Variants in CDH23 observed in about 807,000 individuals in gnomAD.
CDH23 encodes cadherin-23.
CDH23 carries 189 observed loss-of-function variants against 317.1 expected under a neutral mutation model. The observed-to-expected ratio is 0.60, with a 90% confidence interval of 0.53 to 0.67. CDH23 has a LOEUF of 0.67. Ranked by LOEUF, CDH23 falls within the 30% of genes least tolerant of loss-of-function variation. The pLI is 0.00. For synonymous variants in CDH23, 1,839 were observed against 1,876.8 expected (o/e 0.98, Z 0.52); for missense variants, 4,401 against 4,592.4 (o/e 0.96, Z 1.20).
intron 1 of CDH23, among the ~76,000 whole-genome samples, chr10:71,407,972 A>G (rs936667925): frequency 6.6e-6 from 1 of 152,220 alleles, no homozygotes; most frequent in African/African-American, 2.4e-5. Flanking sequence ...GCTCAGCAAA[A>G]TGAGTTGCGA....
At chr10:71,577,001 T>C (rs1233539148) in intron 8 of CDH23, among the ~76,000 whole-genome samples, 1 of 152,192 alleles carries the variant, frequency 6.6e-6, no homozygotes, top group Admixed American at 6.5e-5. Context: ...TTCCTCTTCA[T>C]GTTCTCTCCC....
chr10:71,429,518 A>G (rs1849266864), intron 1 of CDH23, among the ~76,000 whole-genome samples: 1 of 152,182 alleles, frequency 6.6e-6, no homozygotes, highest in African/African-American at 2.4e-5. Context: ...GCTGGGATCG[A>G]GAATCTGATC....
intron 3 of CDH23, among the ~76,000 whole-genome samples, chr10:71,498,012 G>A (rs536007515): frequency 3.3e-4 from 51 of 152,240 alleles, no homozygotes; most frequent in African/African-American, 9.9e-4. Flanking sequence ...ACCATGACCC[G>A]GAGGTTGGAG....
At chr10:71,760,651 G>A (rs545058291) in intron 38 of CDH23, 3 of 554,950 alleles carry the variant, frequency 5.4e-6, no homozygotes, top group Non-Finnish European at 9.8e-6. Flanking sequence ...AGAGAGTCAA[G>A]AGGAGCAGAG....
intron 4 of CDH23, among the ~76,000 whole-genome samples, chr10:71,510,741 T>C (rs981141802): frequency 2.6e-5 from 4 of 152,058 alleles, no homozygotes; most frequent in Admixed American, 6.5e-5. Context: ...TCGGCTTCTG[T>C]CTTTTATTGC....
At chr10:71,707,132 G>T in intron 26 of CDH23, 83 bp downstream of exon 26, 3 of 1,553,628 alleles carry the variant, frequency 1.9e-6, no homozygotes, top group Non-Finnish European at 2.6e-6. Context: ...CAGACTAGGT[G>T]GGGGCAGGTG....
At chr10:71,743,378 T>TG (rs1309049973) in intron 38 of CDH23, among the ~76,000 whole-genome samples, 12 of 152,320 alleles carry the variant, frequency 7.9e-5, no homozygotes, top group Admixed American at 6.5e-4. Flanking sequence ...ACACCAGGTC[T>TG]GGGCAGGGCT....
intron 14 of CDH23, among the ~76,000 whole-genome samples, chr10:71,649,247 A>G (rs1863049587): frequency 6.6e-6 from 1 of 152,152 alleles, no homozygotes; most frequent in African/African-American, 2.4e-5. Context: ...CTCTGCCACA[A>G]AAGGGGCTGA....
At chr10:71,498,447 G>C (rs1000493600) in intron 3 of CDH23, among the ~76,000 whole-genome samples, 19 of 152,204 alleles carry the variant, frequency 1.2e-4, no homozygotes, top group Admixed American at 5.9e-4. Context: ...AACTTCCCCA[G>C]GGTCCCGGGG....
intron 7 of CDH23, among the ~76,000 whole-genome samples, chr10:71,567,550 G>C (rs1396652092): frequency 6.6e-6 from 1 of 152,250 alleles, no homozygotes; most frequent in Middle Eastern, 3.2e-3. Context: ...TCTGTTGAGG[G>C]TCACACAGCC....
intron 1 of CDH23, among the ~76,000 whole-genome samples, chr10:71,421,952 C>G (rs1181903507): frequency 6.6e-6 from 1 of 151,958 alleles, no homozygotes; most frequent in Non-Finnish European, 1.5e-5. Flanking sequence ...TCCTTATTAA[C>G]CAAGTTGTCC....
At chr10:71,650,267 C>A (rs992953609) in intron 14 of CDH23, among the ~76,000 whole-genome samples, 4 of 152,160 alleles carry the variant, frequency 2.6e-5, no homozygotes, top group African/African-American at 9.7e-5. Flanking sequence ...CAGAGATATT[C>A]GAGCACTTTG....
chr10:71,420,030 G>A (rs1245428730), intron 1 of CDH23, among the ~76,000 whole-genome samples: 2 of 152,168 alleles, frequency 1.3e-5, no homozygotes, highest in African/African-American at 4.8e-5. Context: ...CTGGTGCTCA[G>A]GAAGGGTTTA....
chr10:71,675,005 A>T (rs906538197), intron 14 of CDH23, 107 bp from the exon 15 acceptor site: 14 of 1,028,386 alleles, frequency 1.4e-5, no homozygotes, highest in Non-Finnish European at 2.1e-5. Flanking sequence ...GGCCTCAGAA[A>T]ATTCACCCTG....
intron 32 of CDH23, chr10:71,732,753 GT>G: frequency 9.1e-7 from 1 of 1,100,002 alleles, no homozygotes; most frequent in Non-Finnish European, 1.1e-6. Flanking sequence ...TTTTCCTTCT[GT>G]TTTCACACCC....
chr10:71,769,321 A>T (rs1221370549), intron 38 of CDH23, among the ~76,000 whole-genome samples: 1 of 152,172 alleles, frequency 6.6e-6, no homozygotes, highest in Non-Finnish European at 1.5e-5. Flanking sequence ...TTCCCAGGCT[A>T]AAGTTTCCAA....
Position 71,702,597 on chromosome 10 carries a change from A to G in CDH23, c.2636A>G (p.Asn879Ser). 1 of 1,613,828 alleles carries G rather than the reference A, an allele frequency of 6.2e-7. No individual in the cohort carries two copies. The highest frequency in any genetic ancestry group is 8.5e-7 in the Non-Finnish European group (1 of 1,179,860). ...KATSSATVFV[N>S]LLDLNDNDPT... ...ACCAGCAGTGCCACAGTGTTTGTGA[A>G]CCTCTTGGATCTCAATGACAATGAC... Residue 879 changes from asparagine to serine, a missense_variant, in exon 24 of 70, where the codon AAC becomes AGC. By Grantham distance (46) the Asn-to-Ser change is conservative. Coordinates refer to ENST00000224721, the MANE Select transcript of CDH23 (RefSeq NM_022124.6).
At chr10:71,799,707 T>A in intron 52 of CDH23, 78 bp downstream of exon 52, 1 of 1,592,684 alleles carries the variant, frequency 6.3e-7, no homozygotes, top group Non-Finnish European at 8.6e-7. Flanking sequence ...CCAAAAGTAT[T>A]GTAGTAATCC....
intron 3 of CDH23, among the ~76,000 whole-genome samples, chr10:71,497,692 A>G (rs1275238119): frequency 6.6e-6 from 1 of 152,156 alleles, no homozygotes; most frequent in African/African-American, 2.4e-5. Context: ...TATCGTAGAT[A>G]TCTAAACTGG....
Sources: allele counts gnomAD v4.1 joint callset (sites outside exome capture counted in the v4.1 genomes callset), GRCh38; gene constraint gnomAD v4.1.1; transcripts MANE v1.5; gene names NCBI Gene and HGNC (gene_info 2026-07-23, HGNC 2026-07-21).